The following NAV1 variants were observed in gnomAD, a reference collection of about 807,000 sequenced individuals.
The protein encoded by NAV1 is neuron navigator 1.
Under a neutral mutation model 175.2 loss-of-function variants are expected in NAV1, and 18 were observed. The observed-to-expected ratio is 0.10, with a 90% confidence interval of 0.07 to 0.15. NAV1 has a LOEUF of 0.15. Among genes scored for constraint, NAV1 ranks in the 10% least tolerant of loss-of-function variants. The pLI is 1.00. For synonymous variants in NAV1, 897 were observed against 978.7 expected (o/e 0.92, Z 1.56); for missense variants, 1,731 against 2,436.6 (o/e 0.71, Z 6.10).
At chr1:201,749,352 G>C (rs1241394224) in intron 3 of NAV1, among the ~76,000 whole-genome samples, 1 of 152,218 alleles carries the variant, frequency 6.6e-6, no homozygotes, top group Non-Finnish European at 1.5e-5. Flanking sequence ...GTCAGAAGGG[G>C]AGCTGTGATG....
At chr1:201,695,642 C>T (rs1671159312) in intron 1 of NAV1, among the ~76,000 whole-genome samples, 2 of 152,358 alleles carry the variant, frequency 1.3e-5, no homozygotes, top group African/African-American at 4.8e-5. Flanking sequence ...CTGGTGACTG[C>T]AGCATGGTGC....
At chr1:201,605,930 C>T (rs1667662145) in intron 2 of NAV1, among the ~76,000 whole-genome samples, 1 of 152,182 alleles carries the variant, frequency 6.6e-6, no homozygotes, top group Non-Finnish European at 1.5e-5. Flanking sequence ...GCCTCTGCAT[C>T]CCTTCTGCTT....
intron 3 of NAV1, among the ~76,000 whole-genome samples, chr1:201,722,595 G>T (rs747866953): frequency 4.6e-5 from 7 of 152,016 alleles, no homozygotes; most frequent in Non-Finnish European, 4.4e-5. Context: ...CCCTGCTTTC[G>T]GTTCTTTTTG....
At chr1:201,803,832 C>T in intron 16 of NAV1, 118 bp downstream of exon 20, 7 of 1,302,672 alleles carry the variant, frequency 5.4e-6, no homozygotes, top group Admixed American at 2.1e-5. Context: ...TAACACTGAG[C>T]CCTAGTGTGA....
chr1:201,810,669 C>T lies in NAV1; in HGVS notation c.4708C>T (p.Arg1570Cys). Residue 1570 changes from arginine to cysteine, a missense_variant, in exon 24 of 30, where the codon CGC (arginine) becomes TGC (cysteine). Physicochemically the swap from Arg to Cys is radical, Grantham distance 180. Around this residue, in one of 13 missense-constraint regions of NAV1, gnomAD observed 115 missense variants for 269.4 expected, o/e 0.43. Transcript: ENST00000367296. The surrounding 1 kb of genome is among the most constrained non-coding windows in gnomAD (Gnocchi z 6.0). ...CACGGGCAAGACCTACCTGACCAAT[C>T]GCTTGGCCGAGTACCTGGTGGAGCG... 1.2e-6 allele frequency: 2 copies of T among 1,614,166 alleles called. No homozygotes were observed. The highest frequency in any genetic ancestry group is 8.5e-7 in the Non-Finnish European group (1 of 1,180,026).
intron 4 of NAV1, 96 bp downstream of exon 8, chr1:201,780,655 C>G (rs1464117801): frequency 1.3e-6 from 2 of 1,502,632 alleles, no homozygotes; most frequent in Non-Finnish European, 1.8e-6. Flanking sequence ...CACACCCACT[C>G]CATGGGATTG....
At position 201,658,779 on chromosome 1, in the gene NAV1, T is replaced by G. The variant is rs539778780; in HGVS notation, c.757+9354T>G. On this transcript the variant is annotated intron_variant, in intron 1 of 29. Transcript: ENST00000367296. ...TCAGCCAGCCAGGGCCTCTCAAGTT[T>G]CACATCTGTCTGCTCCAGGGAAGAT... is the stretch of plus-strand genomic sequence containing the variant. Among the ~76,000 whole-genome samples, 22 of 152,318 alleles carry G rather than the reference T, an allele frequency of 1.4e-4. No individual in the cohort carries two copies. In the South Asian group the frequency reaches 4.6e-3, roughly 32 times the overall value.
Position 201,782,842 on chromosome 1 carries a change from T to G in NAV1, c.2330T>G (p.Leu777Arg). Residue 777 changes from leucine (L) to arginine (R), a missense_variant, in exon 6 of 30, where the codon CTG (leucine) becomes CGG (arginine). Leu to Arg is a moderately radical substitution (Grantham distance 102). Transcript: ENST00000367296. The surrounding 1 kb of genome is among the most constrained non-coding windows in gnomAD (Gnocchi z 5.4). ...GCAAGCCACCCCACAGCCACCAAGC[T>G]GGCAGAGCTGCCACCAACCCCTCTC... 6.3e-7 allele frequency: 1 copy of G among 1,590,744 alleles called. No homozygotes were observed. Among genetic ancestry groups the G allele is most frequent in the African/African-American group, 1.3e-5 (1 of 74,310 alleles).
rs200725995 is a variant in NAV1, at chr1:201,549,077, CTCTTTCTTTCTTTCTTTCTTTCTTTCTT to C, written c.-144+9776_-144+9803del. On this transcript the variant is annotated intron_variant, in intron 1 of 33. Transcript: ENST00000685211. Reference sequence around the variant, plus strand: ...CTTTAAATTCAGATATTCTAGTTTTCTCTTTCTTTCTTTCTTTCTTTCTTTCTTTCTTTCTTTCTTTCTTTCTTTCTTT... The same window carrying C: ...CTTTAAATTCAGATATTCTAGTTTTCTCTTTCTTTCTTTCTTTCTTTCTTT... Among the ~76,000 whole-genome samples, 24 of 130,106 alleles carry C rather than the reference CTCTTTCTTTCTTTCTTTCTTTCTTTCTT, an allele frequency of 1.8e-4. 1 individual carries two copies. The highest frequency in any genetic ancestry group is 5.5e-4 in the South Asian group (2 of 3,658). 85.4% of individuals were successfully genotyped at this position (130,106 alleles called of 152,430 possible).
intron 1 of NAV1, among the ~76,000 whole-genome samples, chr1:201,650,056 T>G (rs1195198512): frequency 6.6e-6 from 1 of 152,234 alleles, no homozygotes; most frequent in Non-Finnish European, 1.5e-5. Context: ...GCCCCGGCTC[T>G]GGCCCCAACC....
At chr1:201,651,341 C>T (rs967502933) in intron 1 of NAV1, among the ~76,000 whole-genome samples, 2 of 152,004 alleles carry the variant, frequency 1.3e-5, no homozygotes, top group Admixed American at 6.6e-5. Context: ...CCATTGAAGC[C>T]CTCTTAGTTG....
intron 1 of NAV1, among the ~76,000 whole-genome samples, chr1:201,623,958 T>C (rs1243978523): frequency 6.6e-6 from 1 of 152,186 alleles, no homozygotes; most frequent in African/African-American, 2.4e-5. Flanking sequence ...GCTAGATACA[T>C]AGGCAGTGTC....
chr1:201,542,332 T>G (rs540872474), intron 1 of NAV1, among the ~76,000 whole-genome samples: 1 of 152,318 alleles, frequency 6.6e-6, no homozygotes, highest in South Asian at 2.1e-4. Flanking sequence ...CTATCAACTT[T>G]TCGAGTCTCT....
At chr1:201,784,418 A>G (rs1676553987) in intron 7 of NAV1, among the ~76,000 whole-genome samples, 1 of 152,114 alleles carries the variant, frequency 6.6e-6, no homozygotes, top group Non-Finnish European at 1.5e-5. Flanking sequence ...TCAGCTTCCC[A>G]AAGTGCTGGG....
intron 1 of NAV1, among the ~76,000 whole-genome samples, chr1:201,684,130 C>G (rs931461644): frequency 6.6e-6 from 1 of 152,070 alleles, no homozygotes; most frequent in African/African-American, 2.4e-5. Flanking sequence ...TATTTCCTTG[C>G]TTTTCGGCCC....
intron 1 of NAV1, among the ~76,000 whole-genome samples, chr1:201,709,458 T>A (rs1389347405): frequency 6.6e-6 from 1 of 152,210 alleles, no homozygotes; most frequent in Non-Finnish European, 1.5e-5. Context: ...AGGCCCCCTC[T>A]GCAGCCTCTG....
chr1:201,667,324 G>A (rs138165943), intron 1 of NAV1, among the ~76,000 whole-genome samples: 1 of 152,196 alleles, frequency 6.6e-6, no homozygotes, highest in Non-Finnish European at 1.5e-5. Context: ...TGAAACAAAG[G>A]AGTGGGCTAA....
At chr1:201,707,744 C>T (rs1025315318) in intron 1 of NAV1, among the ~76,000 whole-genome samples, 2 of 152,206 alleles carry the variant, frequency 1.3e-5, no homozygotes, top group Non-Finnish European at 2.9e-5. Flanking sequence ...CCTCTAGCAA[C>T]GTTTTAGTCT....
At chr1:201,771,500 GAAA>G (rs55864064) in intron 3 of NAV1, among the ~76,000 whole-genome samples, 1 of 86,838 alleles carries the variant, frequency 1.2e-5, no homozygotes, top group Non-Finnish European at 2.3e-5. Flanking sequence ...ACTTCGTCTA[GAAA>G]AAAAAAAAAA....
Sources: gnomAD v4.1 joint callset for allele counts (sites outside exome capture counted in the v4.1 genomes callset) on GRCh38, gnomAD v4.1.1 for gene constraint, gnomAD v4.1.1 regional missense constraint, Gnocchi (gnomAD v3.1) non-coding constraint, MANE v1.5 for transcripts, NCBI Gene and HGNC (gene_info 2026-07-23, HGNC 2026-07-21) for gene names.